Variants in SCHIP1 observed in about 807,000 individuals in gnomAD.
The protein encoded by SCHIP1 is schwannomin-interacting protein 1.
In SCHIP1, 8 loss-of-function variants were observed where a neutral mutation model predicts 29.7. The ratio of observed to expected loss-of-function variants is 0.27; its 90% CI spans 0.16 to 0.49. The LOEUF is 0.49. SCHIP1 is among the 20% of genes least tolerant of loss of function. The pLI is 0.99. For missense variants in SCHIP1, 193 were observed against 294.6 expected, an observed-to-expected ratio of 0.66 and a Z score of 2.52; for synonymous variants, 76 against 94.9, an observed-to-expected ratio of 0.80 and a Z score of 1.16.
the SCHIP1 span, among the ~76,000 whole-genome samples, chr3:159,651,583 T>C: frequency 6.6e-6 from 1 of 152,208 alleles, no homozygotes. Context: ...TTTGTTTCTA[T>C]AAGTGCACCA....
At chr3:159,457,873 A>G in the SCHIP1 span, among the ~76,000 whole-genome samples, 3 of 152,170 alleles carry the variant, frequency 2.0e-5, no homozygotes, top group African/African-American at 7.2e-5. Flanking sequence ...GTGCCCCCCA[A>G]AATATCTTAC....
At chr3:159,738,338 G>C in the SCHIP1 span, among the ~76,000 whole-genome samples, 22 of 151,880 alleles carry the variant, frequency 1.4e-4, no homozygotes, top group Admixed American at 1.4e-3. Flanking sequence ...TGGGACAAAA[G>C]AGTTATGTTA....
the SCHIP1 span, among the ~76,000 whole-genome samples, chr3:159,647,455 C>T: frequency 6.6e-6 from 1 of 152,070 alleles, no homozygotes; most frequent in Non-Finnish European, 1.5e-5. Context: ...ACTGTAGATC[C>T]TTCTCAGGTC....
chr3:159,517,147 C>T, the SCHIP1 span, among the ~76,000 whole-genome samples: 1 of 152,072 alleles, frequency 6.6e-6, no homozygotes, highest in Non-Finnish European at 1.5e-5. Context: ...CTTCATGGTT[C>T]CAGCACACTG....
chr3:159,660,325 T>C, the SCHIP1 span, among the ~76,000 whole-genome samples: 1 of 152,194 alleles, frequency 6.6e-6, no homozygotes, highest in South Asian at 2.1e-4. Flanking sequence ...CCTTTTGCTT[T>C]AGTACCTTTT....
At chr3:159,682,431 A>G in the SCHIP1 span, among the ~76,000 whole-genome samples, 1 of 152,222 alleles carries the variant, frequency 6.6e-6, no homozygotes, top group Non-Finnish European at 1.5e-5. Flanking sequence ...TTGGCTGCTT[A>G]ATTATATCAT....
the SCHIP1 span, among the ~76,000 whole-genome samples, chr3:159,671,275 C>T: frequency 6.6e-6 from 1 of 152,204 alleles, no homozygotes; most frequent in East Asian, 1.9e-4. Flanking sequence ...CAGGGCAAGT[C>T]CCTTGTGAGC....
chr3:159,542,256 T>A, the SCHIP1 span, among the ~76,000 whole-genome samples: 4 of 152,082 alleles, frequency 2.6e-5, no homozygotes. Context: ...CAACAATGTA[T>A]ATAAGATGTA....
the SCHIP1 span, among the ~76,000 whole-genome samples, chr3:159,350,441 G>A: frequency 0.017 from 2,654 of 152,104 alleles, 86 homozygotes; most frequent in African/African-American, 0.062. Context: ...ATTTGAAATC[G>A]AGGCTATTAA....
At chr3:159,316,147 T>C in the SCHIP1 span, among the ~76,000 whole-genome samples, 2 of 152,132 alleles carry the variant, frequency 1.3e-5, no homozygotes, top group Non-Finnish European at 2.9e-5. Flanking sequence ...TTCAAATCCA[T>C]ATTAGTCAGG....
chr3:159,656,459 T>C, the SCHIP1 span, among the ~76,000 whole-genome samples: 6 of 152,156 alleles, frequency 3.9e-5, no homozygotes, highest in East Asian at 1.9e-4. Flanking sequence ...CCCACTTGGC[T>C]TCTCCTGTTA....
chr3:159,406,805 G>T, the SCHIP1 span, among the ~76,000 whole-genome samples: 2 of 152,074 alleles, frequency 1.3e-5, no homozygotes, highest in Non-Finnish European at 1.5e-5. Context: ...GTTTGTTTAC[G>T]CAGTGTTAAG....
chr3:159,315,864 A>T, the SCHIP1 span, among the ~76,000 whole-genome samples: 1 of 151,172 alleles, frequency 6.6e-6, no homozygotes, highest in East Asian at 2.0e-4. Context: ...CATCAGTAGG[A>T]GAGACATAAA....
chr3:159,560,137 A>G, the SCHIP1 span, among the ~76,000 whole-genome samples: 5 of 152,238 alleles, frequency 3.3e-5, no homozygotes, highest in Admixed American at 1.3e-4. Flanking sequence ...CAAAAAGAGA[A>G]CAGATTTTGT....
chr3:159,658,703 T>C, the SCHIP1 span, among the ~76,000 whole-genome samples: 1 of 152,188 alleles, frequency 6.6e-6, no homozygotes, highest in East Asian at 1.9e-4. Flanking sequence ...ATAGGTATCT[T>C]TAGCCTGGAC....
At chr3:159,440,372 C>T in the SCHIP1 span, among the ~76,000 whole-genome samples, 41 of 152,088 alleles carry the variant, frequency 2.7e-4, no homozygotes, top group African/African-American at 7.2e-4. Context: ...CCTTTTTCTG[C>T]GGTCATTTTT....
At chr3:159,364,059 A>G in the SCHIP1 span, among the ~76,000 whole-genome samples, 1 of 152,196 alleles carries the variant, frequency 6.6e-6, no homozygotes, top group African/African-American at 2.4e-5. Flanking sequence ...TACTGGTTCC[A>G]ATAATGTAAT....
At chr3:159,694,540 GA>G in the SCHIP1 span, among the ~76,000 whole-genome samples, 4 of 4,874 alleles carry the variant, frequency 8.2e-4, no homozygotes, top group South Asian at 0.018. Flanking sequence ...GAAAAGACAA[GA>G]AAGAAAGAAA....
the SCHIP1 span, among the ~76,000 whole-genome samples, chr3:159,813,695 A>AG: frequency 6.6e-6 from 1 of 152,092 alleles, no homozygotes; most frequent in Admixed American, 6.5e-5. Flanking sequence ...CTCAAAAAAA[A>AG]AAGAAGAAGA....
Sources: allele counts gnomAD v4.1 joint callset (sites outside exome capture counted in the v4.1 genomes callset), GRCh38; gene constraint gnomAD v4.1.1; transcripts MANE v1.5; gene names NCBI Gene and HGNC (gene_info 2026-07-23, HGNC 2026-07-21).